COX7B2: variants seen among roughly 807,000 people sequenced by gnomAD.
COX7B2 encodes cytochrome c oxidase subunit 7B2, also known as cytochrome c oxidase subunit 7B2, mitochondrial.
For synonymous variants in COX7B2, 37 were observed against 32.1 expected, an observed-to-expected ratio of 1.15 and a Z score of -0.51; for missense variants, 109 against 95.9, an observed-to-expected ratio of 1.14 and a Z score of -0.57.
At chr4:46,757,961 T>A (rs1172231662) in intron 2 of COX7B2, among the ~76,000 whole-genome samples, 1 of 152,138 alleles carries the variant, frequency 6.6e-6, no homozygotes, top group Non-Finnish European at 1.5e-5. Context: ...CAGGAGAGCA[T>A]AATGCAGAAG....
chr4:46,774,043 C>T (rs1270624204), intron 2 of COX7B2, among the ~76,000 whole-genome samples: 1 of 152,116 alleles, frequency 6.6e-6, no homozygotes, highest in Non-Finnish European at 1.5e-5. Context: ...TTAACAATCT[C>T]CTGCTAGACA....
At position 46,864,343 on chromosome 4, in the gene COX7B2, A is replaced by G. The variant is rs539132365; in HGVS notation, c.-104-19329T>C. On this transcript the variant is annotated intron_variant, in intron 1 of 2. Transcript: ENST00000355591. ...ACTTGTGAGTCTCTGAAGGCCACCC[A>G]CGACATTTTTTTTTTTAACTAAAGG... is the stretch of plus-strand genomic sequence containing the variant. Among the ~76,000 whole-genome samples the G allele has an allele frequency of 2.1e-4, 32 of 151,900 alleles. No homozygotes were observed. In the East Asian group the frequency reaches 6.0e-3, roughly 29 times the overall value.
intron 1 of COX7B2, among the ~76,000 whole-genome samples, chr4:46,893,232 G>C (rs1719546465): frequency 6.6e-6 from 1 of 152,150 alleles, no homozygotes; most frequent in African/African-American, 2.4e-5. Context: ...GTGAATGTCT[G>C]AGAGGAATAT....
intron 2 of COX7B2, among the ~76,000 whole-genome samples, chr4:46,809,460 T>C (rs1719176252): frequency 6.6e-6 from 1 of 151,892 alleles, no homozygotes; most frequent in Non-Finnish European, 1.5e-5. Flanking sequence ...TAAGTTTTGG[T>C]ATGTTGTGTT....
chr4:46,811,312 C>T (rs373374978), intron 2 of COX7B2, among the ~76,000 whole-genome samples: 47 of 151,620 alleles, frequency 3.1e-4, no homozygotes, highest in African/African-American at 1.1e-3. Context: ...AATGGTGTGC[C>T]ATCAGGCCTA....
At chr4:46,860,292 TAA>T (rs900004812) in intron 1 of COX7B2, among the ~76,000 whole-genome samples, 1 of 152,184 alleles carries the variant, frequency 6.6e-6, no homozygotes, top group African/African-American at 2.4e-5. Context: ...TGAAGAGCTG[TAA>T]AACCAGTCAA....
chr4:46,791,277 G>A (rs1718033224), intron 2 of COX7B2, among the ~76,000 whole-genome samples: 1 of 151,846 alleles, frequency 6.6e-6, no homozygotes, highest in Non-Finnish European at 1.5e-5. Flanking sequence ...CCAAAGTGCT[G>A]GGATTACAGG....
At chr4:46,858,937 T>C (rs188922030) in intron 1 of COX7B2, among the ~76,000 whole-genome samples, 1 of 152,344 alleles carries the variant, frequency 6.6e-6, no homozygotes, top group East Asian at 1.9e-4. Flanking sequence ...TAATGCTTCT[T>C]ATTGCTCATA....
chr4:46,843,707 T>A (rs1405691500), intron 2 of COX7B2, among the ~76,000 whole-genome samples: 2 of 152,016 alleles, frequency 1.3e-5, no homozygotes, highest in African/African-American at 4.8e-5. Flanking sequence ...TCAAACAATT[T>A]ATATGAGAAA....
At position 46,837,132 on chromosome 4, in the gene COX7B2, CT is replaced by C. The variant is rs57475110; in HGVS notation, c.-50+7827del. On this transcript the variant is annotated intron_variant, in intron 2 of 2. Transcript: ENST00000355591. ...TCCAAAAGAAAGTGTGCCTAAAGAT[CT>C]TTAAGAGACTCTGAGACTTAGCTCA... Among the ~76,000 whole-genome samples, 337 of 152,074 alleles carry C rather than the reference CT, an allele frequency of 2.2e-3. 2 individuals are homozygous for C. The highest frequency in any genetic ancestry group is 7.7e-3 in the African/African-American group (321 of 41,518).
chr4:46,801,258 G>T (rs1037320595), intron 2 of COX7B2, among the ~76,000 whole-genome samples: 2 of 152,040 alleles, frequency 1.3e-5, no homozygotes, highest in African/African-American at 2.4e-5. Context: ...AATATAAATT[G>T]TTCTGCCATA....
At chr4:46,788,485 G>C (rs1395173717) in intron 2 of COX7B2, among the ~76,000 whole-genome samples, 2 of 152,054 alleles carry the variant, frequency 1.3e-5, no homozygotes, top group African/African-American at 4.8e-5. Context: ...CAAGTAAAAT[G>C]GCTGTTTGTA....
At chr4:46,859,511 T>C (rs1296558221) in intron 1 of COX7B2, among the ~76,000 whole-genome samples, 1 of 152,226 alleles carries the variant, frequency 6.6e-6, no homozygotes, top group Non-Finnish European at 1.5e-5. Flanking sequence ...GGACTTTTAA[T>C]TATGAAAGCC....
chr4:46,871,525 A>G (rs1717988025), intron 1 of COX7B2, among the ~76,000 whole-genome samples: 1 of 152,178 alleles, frequency 6.6e-6, no homozygotes, highest in Admixed American at 6.5e-5. Context: ...TGCACAGCAA[A>G]GCAAACTATC....
intron 2 of COX7B2, among the ~76,000 whole-genome samples, chr4:46,780,536 G>T (rs775046835): frequency 6.6e-5 from 10 of 152,086 alleles, no homozygotes; most frequent in Non-Finnish European, 1.2e-4. Flanking sequence ...AAACAAAAAA[G>T]TCTAAACCAC....
chr4:46,890,679 A>G (rs963322254), intron 1 of COX7B2, among the ~76,000 whole-genome samples: 75 of 152,350 alleles, frequency 4.9e-4, no homozygotes, highest in African/African-American at 1.7e-3. Context: ...CATTTGGATA[A>G]AGAGCATTCT....
intron 2 of COX7B2, among the ~76,000 whole-genome samples, chr4:46,817,026 C>T (rs1719592157): frequency 6.6e-6 from 1 of 152,104 alleles, no homozygotes; most frequent in Non-Finnish European, 1.5e-5. Context: ...AGCAGCTGCT[C>T]ATGCTACAGA....
At chr4:46,799,695 T>C (rs1718547698) in intron 2 of COX7B2, among the ~76,000 whole-genome samples, 1 of 152,198 alleles carries the variant, frequency 6.6e-6, no homozygotes, top group Admixed American at 6.5e-5. Context: ...ATCACAGGAA[T>C]AAAGCCTACT....
chr4:46,792,299 G>T (rs997883894), intron 2 of COX7B2, among the ~76,000 whole-genome samples: 2 of 151,996 alleles, frequency 1.3e-5, no homozygotes, highest in African/African-American at 4.8e-5. Flanking sequence ...AGTGTGACTC[G>T]GCAATGGGAT....
Sources: allele counts gnomAD v4.1 joint callset (sites outside exome capture counted in the v4.1 genomes callset), GRCh38; gene constraint gnomAD v4.1.1; transcripts MANE v1.5; gene names NCBI Gene and HGNC (gene_info 2026-07-23, HGNC 2026-07-21).